Variants in BPIFA1 observed in about 807,000 individuals in gnomAD.
BPIFA1 encodes the protein BPI fold containing family A member 1.
Under a neutral mutation model 25.1 loss-of-function variants are expected in BPIFA1, and 24 were observed. The observed-to-expected ratio is 0.96, with a 90% CI of 0.69 to 1.35. BPIFA1 has a LOEUF of 1.35. Ranked by LOEUF, BPIFA1 falls within the 40% of genes most tolerant of loss-of-function variation. The probability of loss-of-function intolerance (pLI) is 0.00; values close to 1 mark genes in which losing one functional copy is unlikely to be tolerated. For synonymous variants in BPIFA1, 139 were observed against 131.8 expected, an observed-to-expected ratio of 1.05 and a Z score of -0.37; for missense variants, 344 against 303.7, an observed-to-expected ratio of 1.13 and a Z score of -0.99.
At chr20:33,236,879 T>A (rs1978704938) in intron 1 of BPIFA1, among the ~76,000 whole-genome samples, 1 of 152,138 alleles carries the variant, frequency 6.6e-6, no homozygotes, top group Non-Finnish European at 1.5e-5. Flanking sequence ...AAGACTTTGA[T>A]GGCCCCAGGA....
chr20:33,239,573 T>C (rs1450014824), intron 3 of BPIFA1, among the ~76,000 whole-genome samples: 1 of 152,104 alleles, frequency 6.6e-6, no homozygotes, highest in Non-Finnish European at 1.5e-5. Context: ...AGACTGGAGA[T>C]AAGGAAAGGG....
intron 3 of BPIFA1, 90 bp from the exon 4 acceptor site, chr20:33,239,713 C>T: frequency 1.5e-6 from 2 of 1,290,918 alleles, no homozygotes; most frequent in Non-Finnish European, 2.2e-6. Flanking sequence ...AGCTCTACCT[C>T]TGGGATGGGT....
intron 1 of BPIFA1, among the ~76,000 whole-genome samples, chr20:33,236,692 T>A (rs1978693912): frequency 6.6e-6 from 1 of 151,906 alleles, no homozygotes; most frequent in Non-Finnish European, 1.5e-5. Context: ...CGGAATTCCA[T>A]CCAGGGCAGC....
In BPIFA1 at chr20:33,237,847, G is replaced by A; in HGVS notation, c.136G>A (p.Gly46Ser). Residue 46 changes from glycine (G) to serine (S), a missense_variant, in exon 2 of 9, where the codon GGT (glycine) becomes AGT (serine). Coordinates refer to ENST00000354297, the MANE Select transcript of BPIFA1 (RefSeq NM_130852.3). Reference sequence around the variant, plus strand: ...TCCAGCCCTGCCCTTGAGTCCCACAGGTCTTGCAGGAAGCTTGACAAATGG... The same window carrying A: ...TCCAGCCCTGCCCTTGAGTCCCACAAGTCTTGCAGGAAGCTTGACAAATGG... ...VNPALPLSPTGLAGSLTNALS... is the reference protein window; with the variant it reads ...VNPALPLSPTSLAGSLTNALS... 10 of 1,586,890 alleles carry A rather than the reference G, an allele frequency of 6.3e-6. No individual in the cohort carries two copies. The highest frequency in any genetic ancestry group is 8.6e-6 in the Non-Finnish European group (10 of 1,167,722).
chr20:33,242,196 A>G, intron 7 of BPIFA1, 77 bp downstream of exon 7: 1 of 1,411,686 alleles, frequency 7.1e-7, no homozygotes, highest in Admixed American at 1.7e-5. Flanking sequence ...TTCCCTGCAC[A>G]CCCTAGGATA....
Position 33,240,333 on chromosome 20 carries a change from C to T in BPIFA1, c.529C>T (p.Leu177Phe). The change falls in exon 5 of 9, where the codon CTT becomes TTT. Residue 177 changes from leucine to phenylalanine, a missense_variant. By Grantham distance (22) the Leu-to-Phe change is conservative (BLOSUM62 0). Transcript: ENST00000354297. Reference protein sequence around the residue: ...RDKQERIHLVLGDCTHSPGSL... With the variant: ...RDKQERIHLVFGDCTHSPGSL... ...TAAGCAGGAGAGGATCCACCTGGTC[C>T]TTGGTGACTGCACCCATTCCCCTGG... is the stretch of plus-strand genomic sequence containing the variant. The T allele has an allele frequency of 2.5e-6, 4 of 1,614,112 alleles. No homozygotes were observed. Among genetic ancestry groups the T allele is most frequent in the Non-Finnish European group, 8.5e-7 (1 of 1,180,028 alleles).
chr20:33,241,779 C>T (rs1978989501), intron 6 of BPIFA1, among the ~76,000 whole-genome samples: 1 of 152,136 alleles, frequency 6.6e-6, no homozygotes, highest in South Asian at 2.1e-4. Context: ...TCAACCTATG[C>T]TTGGGTGTCT....
chr20:33,238,036 C>T lies in BPIFA1; in HGVS notation c.161-19C>T, dbSNP rs1978777738. On this transcript the variant is annotated intron_variant, in intron 2 of 8. Transcript: ENST00000354297. ...AATTGTCAGATCTGACCCCCAGAGACCCTTACACCCATTTCCAGCCCTCAG... is the reference window on the plus strand; with the variant it reads ...AATTGTCAGATCTGACCCCCAGAGATCCTTACACCCATTTCCAGCCCTCAG... The T allele has an allele frequency of 6.2e-7, 1 of 1,608,728 alleles. No individual in the cohort carries two copies. Among genetic ancestry groups the T allele is most frequent in the South Asian group, 1.1e-5 (1 of 90,042 alleles).
chr20:33,242,142 T>G, intron 7 of BPIFA1, 23 bp downstream of exon 7: 1 of 1,610,640 alleles, frequency 6.2e-7, no homozygotes, highest in Non-Finnish European at 8.5e-7. Flanking sequence ...TTTCAAGCCC[T>G]CTGTCCCTCT....
Position 33,242,048 on chromosome 20 carries a change from C to G in BPIFA1, c.667-8C>G. 6.2e-7 allele frequency: 1 copy of G among 1,613,854 alleles called. No individual in the cohort carries two copies. Among genetic ancestry groups the G allele is most frequent in the Non-Finnish European group, 8.5e-7 (1 of 1,179,716 alleles). On this transcript the variant is annotated splice_polypyrimidine_tract_variant and splice_region_variant and intron_variant, in intron 6 of 8. Transcript: ENST00000354297. Reference sequence around the variant, plus strand: ...CTCTGCCTAACTCTCCTCTCTGCCCCTGGCCAGGTGTGCCCTCTGGTCAAT... The same window carrying G: ...CTCTGCCTAACTCTCCTCTCTGCCCGTGGCCAGGTGTGCCCTCTGGTCAAT...
Position 33,240,641 on chromosome 20 carries a change from TA to T in BPIFA1, c.581+257del, listed in dbSNP as rs1356042863. Among the ~76,000 whole-genome samples the T allele has an allele frequency of 2.5e-3, 325 of 129,718 alleles. 4 individuals are homozygous for T. The highest frequency in any genetic ancestry group is 8.7e-3 in the African/African-American group (308 of 35,480). 85.1% of individuals were successfully genotyped at this position (129,718 alleles called of 152,430 possible). On this transcript the variant is annotated intron_variant, in intron 5 of 8. Transcript: ENST00000354297. ...ATGAATAGATAGATGGATGGATAGATAGATGATAGATAGATAGATAGATAGA... is the reference window on the plus strand; with the variant it reads ...ATGAATAGATAGATGGATGGATAGATGATGATAGATAGATAGATAGATAGA...
At position 33,237,691 on chromosome 20, in the gene BPIFA1, CCA is replaced by C. The variant is rs1568629664; in HGVS notation, c.-15-3_-15-2del. On this transcript the variant is annotated splice_polypyrimidine_tract_variant and splice_region_variant and intron_variant, in intron 1 of 8. Coordinates refer to ENST00000354297, the MANE Select transcript of BPIFA1 (RefSeq NM_130852.3). ...TGCCATGTTGGACTTGTCATTCTGG[CCA>C]CAGATACTAAGAGCAAAGATGTTTC... 7.0e-7 allele frequency: 1 copy of C among 1,430,996 alleles called. No homozygotes were observed. The highest frequency in any genetic ancestry group is 1.4e-5 in the African/African-American group (1 of 69,012). 88.6% of individuals were successfully genotyped at this position (1,430,996 alleles called of 1,614,324 possible).
At chr20:33,239,377 A>G (rs545498905) in intron 3 of BPIFA1, among the ~76,000 whole-genome samples, 1 of 152,296 alleles carries the variant, frequency 6.6e-6, no homozygotes, top group East Asian at 1.9e-4. Context: ...TGACCAATCC[A>G]TCATCCAGTT....
chr20:33,242,163 A>G, intron 7 of BPIFA1, 44 bp downstream of exon 7: 1 of 1,594,768 alleles, frequency 6.3e-7, no homozygotes, highest in Non-Finnish European at 8.6e-7. Context: ...CTGCAGGAGC[A>G]GCAACTTCCC....
At chr20:33,236,282 G>A (rs1413032472) in intron 1 of BPIFA1, among the ~76,000 whole-genome samples, 1 of 152,172 alleles carries the variant, frequency 6.6e-6, no homozygotes, top group African/African-American at 2.4e-5. Flanking sequence ...AGCCTCTAAG[G>A]CATAAGTTTT....
chr20:33,238,829 C>T (rs1039171354), intron 3 of BPIFA1, among the ~76,000 whole-genome samples: 1 of 152,198 alleles, frequency 6.6e-6, no homozygotes, highest in African/African-American at 2.4e-5. Flanking sequence ...GCCGGCAGAG[C>T]CTGGTTCCTG....
chr20:33,241,682 T>A (rs565949971), intron 6 of BPIFA1, among the ~76,000 whole-genome samples: 1 of 152,304 alleles, frequency 6.6e-6, no homozygotes, highest in South Asian at 2.1e-4. Flanking sequence ...GCCCTGCTTG[T>A]CCACACTGAA....
chr20:33,238,277 C>T, intron 3 of BPIFA1, 63 bp downstream of exon 3: 2 of 1,542,818 alleles, frequency 1.3e-6, no homozygotes, highest in Non-Finnish European at 1.8e-6. Context: ...GATCTGCCAG[C>T]CCCAGGCAGT....
rs541471009 is a variant in BPIFA1 at position 33,237,637 on chromosome 20, G to A, written c.-15-60G>A. On this transcript the variant is annotated intron_variant, in intron 1 of 8. Transcript: ENST00000354297. The stretch of plus-strand genomic sequence containing the variant: ...CCCCACCCCCCAGGTGTCAGGGCAG[G>A]TGGTGGATAAATTCCTCTCTGATAC... The A allele has an allele frequency of 1.1e-5, 14 of 1,332,030 alleles. No individual in the cohort carries two copies. In the East Asian group the frequency reaches 3.6e-4, roughly 34 times the overall value. The allele number at this position is 1,332,030 out of a possible 1,614,324, so 82.5% of individuals were successfully genotyped here.
Sources: allele counts gnomAD v4.1 joint callset (sites outside exome capture counted in the v4.1 genomes callset), GRCh38; gene constraint gnomAD v4.1.1; transcripts MANE v1.5; gene names NCBI Gene and HGNC (gene_info 2026-07-23, HGNC 2026-07-21).